The following AGPS variants were observed in gnomAD, a reference collection of about 807,000 sequenced individuals.
The protein encoded by AGPS is alkyldihydroxyacetonephosphate synthase, peroxisomal.
Under a neutral mutation model 90.7 loss-of-function variants are expected in AGPS, and 26 were observed. That is an observed-to-expected ratio of 0.29 (90% CI 0.21 to 0.40). The LOEUF is 0.40. AGPS is among the 10% of genes least tolerant of loss of function. The pLI is 1.00. For missense variants in AGPS, 540 were observed against 816.1 expected, an observed-to-expected ratio of 0.66 and a Z score of 4.12; for synonymous variants, 294 against 285.3, an observed-to-expected ratio of 1.03 and a Z score of -0.31.
intron 14 of AGPS, 26 bp downstream of exon 14, chr2:177,499,756 A>C (rs1688506369): frequency 1.4e-6 from 2 of 1,425,354 alleles, no homozygotes; most frequent in African/African-American, 2.8e-5. Context: ...CATAATGCCA[A>C]GAGAAAGAGT....
chr2:177,491,429 C>CTTTT (rs1051275473), intron 11 of AGPS, among the ~76,000 whole-genome samples: 2 of 118,248 alleles, frequency 1.7e-5, no homozygotes, highest in African/African-American at 3.2e-5. Context: ...TGACTAATTT[C>CTTTT]TTTTTTTTTT....
At chr2:177,409,901 C>T (rs1685571490) in intron 1 of AGPS, among the ~76,000 whole-genome samples, 1 of 152,186 alleles carries the variant, frequency 6.6e-6, no homozygotes, top group African/African-American at 2.4e-5. Flanking sequence ...ATTTCTTTGG[C>T]ACACTTCACA....
At position 177,477,032 on chromosome 2, in the gene AGPS, T is replaced by G. The variant is rs557033054; in HGVS notation, c.1106-5027T>G. Among the ~76,000 whole-genome samples, 24 of 152,280 alleles carry G rather than the reference T, an allele frequency of 1.6e-4. No individual in the cohort carries two copies. The South Asian group carries it at 3.7e-3, about 24-fold the overall frequency. On this transcript the variant is annotated intron_variant, in intron 10 of 19. Coordinates refer to ENST00000264167, the MANE Select transcript of AGPS (RefSeq NM_003659.4). ...TTTTCTTTCGATCTAGTCGTATCTC[T>G]GAATTTAAAGTGTAGATTCTGTAGA...
intron 10 of AGPS, among the ~76,000 whole-genome samples, chr2:177,471,451 T>G (rs1168479793): frequency 6.6e-6 from 1 of 152,224 alleles, no homozygotes; most frequent in African/African-American, 2.4e-5. Context: ...TTTTAGATGC[T>G]ATAACATGAT....
chr2:177,521,144 G>T, intron 17 of AGPS, 125 bp from the exon 18 acceptor site: 1 of 858,000 alleles, frequency 1.2e-6, no homozygotes, highest in Non-Finnish European at 1.9e-6. Context: ...TGGAGTAGAG[G>T]CTGGGAAGAA....
At chr2:177,493,119 T>C in intron 11 of AGPS, 29 bp from the exon 12 acceptor site, 1 of 1,587,662 alleles carries the variant, frequency 6.3e-7, no homozygotes, top group Non-Finnish European at 8.6e-7. Flanking sequence ...ATTAAATTTG[T>C]ATCACTTTTT....
chr2:177,543,791 A>G lies in AGPS; in HGVS notation c.*5596A>G, dbSNP rs1395895317. ...TTCTATAAGCAAATGCCCATGTGTG[A>G]TTTTTAAGATGTGCTGGGGAAAAAT... is the stretch of plus-strand genomic sequence containing the variant. On this transcript the variant is annotated 3_prime_UTR_variant, in exon 20 of 20. Transcript: ENST00000264167. 6.6e-6 allele frequency: 1 copy of G among 152,178 alleles called. No homozygotes were observed. Among genetic ancestry groups the G allele is most frequent in the Non-Finnish European group, 1.5e-5 (1 of 68,028 alleles). The allele number at this position is 152,178 out of a possible 1,614,324, so 9.4% of individuals were successfully genotyped here. A position where few individuals can be genotyped will look rare whatever the true frequency, so the allele number is the denominator to read the frequency against.
chr2:177,435,811 T>C (rs890477996), intron 3 of AGPS, among the ~76,000 whole-genome samples: 6 of 152,218 alleles, frequency 3.9e-5, no homozygotes, highest in Admixed American at 3.9e-4. Flanking sequence ...TATAGACTTC[T>C]TCCTATATTC....
intron 16 of AGPS, among the ~76,000 whole-genome samples, chr2:177,509,541 C>T (rs1396383274): frequency 6.6e-6 from 1 of 151,858 alleles, no homozygotes; most frequent in Non-Finnish European, 1.5e-5. Flanking sequence ...TGGCGGGCGT[C>T]TGTAGTCCCA....
At chr2:177,449,569 A>G (rs1686874053) in intron 8 of AGPS, among the ~76,000 whole-genome samples, 1 of 152,174 alleles carries the variant, frequency 6.6e-6, no homozygotes, top group East Asian at 1.9e-4. Flanking sequence ...GACCACAGGC[A>G]AGTGCCACCA....
intron 10 of AGPS, among the ~76,000 whole-genome samples, chr2:177,473,019 AGTTCCTCT>A (rs1687675229): frequency 6.6e-6 from 1 of 152,156 alleles, no homozygotes; most frequent in Non-Finnish European, 1.5e-5. Context: ...TACTTCCTCT[AGTTCCTCT>A]GTTACTCTCT....
chr2:177,541,067 C>T lies in AGPS; in HGVS notation c.*2872C>T, dbSNP rs1298404253. On this transcript the variant is annotated 3_prime_UTR_variant, in exon 20 of 20. Transcript: ENST00000264167. ...CTTCTAAGGAAGTAGGAGTTTTCTT[C>T]CTAAAAGTGCTTACATATTGTAGTA... is the stretch of plus-strand genomic sequence containing the variant. 1 of 152,074 alleles carries T rather than the reference C, an allele frequency of 6.6e-6. No homozygotes were observed. The highest frequency in any genetic ancestry group is 1.5e-5 in the Non-Finnish European group (1 of 67,996). 9.4% of individuals were successfully genotyped at this position (152,074 alleles called of 1,614,324 possible). A position where few individuals can be genotyped will look rare whatever the true frequency, so the allele number is the denominator to read the frequency against.
intron 11 of AGPS, 83 bp from the exon 12 acceptor site, chr2:177,493,065 T>C (rs1425467071): frequency 3.2e-6 from 4 of 1,268,728 alleles, no homozygotes; most frequent in African/African-American, 1.5e-5. Flanking sequence ...CTCTTAAATA[T>C]AGAAAGATAA....
intron 1 of AGPS, among the ~76,000 whole-genome samples, chr2:177,398,204 T>C (rs538288791): frequency 7.9e-5 from 12 of 152,372 alleles, no homozygotes; most frequent in African/African-American, 2.6e-4. Context: ...GTGACCTGGC[T>C]TAAAACTTAA....
At chr2:177,519,897 G>A (rs1432795329) in intron 17 of AGPS, among the ~76,000 whole-genome samples, 1 of 152,194 alleles carries the variant, frequency 6.6e-6, no homozygotes, top group Non-Finnish European at 1.5e-5. Flanking sequence ...GCTGCCCCAA[G>A]GTCTGCTGAT....
chr2:177,488,297 C>T (rs1227350018), intron 11 of AGPS, among the ~76,000 whole-genome samples: 1 of 151,690 alleles, frequency 6.6e-6, no homozygotes, highest in Admixed American at 6.6e-5. Flanking sequence ...ACTGCAAGCT[C>T]CACCTCCCAG....
At position 177,496,081 on chromosome 2, in the gene AGPS, T is replaced by C. The variant is rs556348684; in HGVS notation, c.1286-1608T>C. 2.0e-5 allele frequency among the ~76,000 whole-genome samples: 3 copies of C among 152,298 alleles called. No individual in the cohort carries two copies. The South Asian group carries it at 6.2e-4, about 32-fold the overall frequency. ...TCAGTATCACTTTTACAATAATTTA[T>C]TCTTCAAAGCTATCATGTCACCTTA... On this transcript the variant is annotated intron_variant, in intron 12 of 19. Coordinates refer to ENST00000264167, the MANE Select transcript of AGPS (RefSeq NM_003659.4).
chr2:177,465,589 G>C (rs776732238), intron 9 of AGPS, among the ~76,000 whole-genome samples: 2 of 152,168 alleles, frequency 1.3e-5, no homozygotes, highest in African/African-American at 4.8e-5. Context: ...TGGCCACAGC[G>C]CACAGTCAGG....
intron 10 of AGPS, among the ~76,000 whole-genome samples, chr2:177,473,616 T>C (rs1687690363): frequency 6.6e-6 from 1 of 152,246 alleles, no homozygotes; most frequent in Non-Finnish European, 1.5e-5. Flanking sequence ...TAAGTAGTTT[T>C]ATATCACTCT....
Sources: allele counts gnomAD v4.1 joint callset (sites outside exome capture counted in the v4.1 genomes callset), GRCh38; gene constraint gnomAD v4.1.1; transcripts MANE v1.5; gene names NCBI Gene and HGNC (gene_info 2026-07-23, HGNC 2026-07-21).